Variants in KCNQ1 observed in about 807,000 individuals in gnomAD.
KCNQ1 encodes potassium voltage-gated channel subfamily KQT member 1.
Under a neutral mutation model 72.4 loss-of-function variants are expected in KCNQ1, and 49 were observed. The observed-to-expected ratio is 0.68, with a 90% CI of 0.54 to 0.86. The LOEUF (loss-of-function observed/expected upper bound fraction) is 0.86, where lower values mean the gene tolerates loss of function less well. Among genes scored for constraint, KCNQ1 ranks in the 40% least tolerant of loss-of-function variants. KCNQ1 has a pLI of 0.00. For missense variants in KCNQ1, 790 were observed against 945.1 expected (o/e 0.84, Z 2.15); for synonymous variants, 450 against 412.6 (o/e 1.09, Z -1.10).
intron 14 of KCNQ1, chr11:2,777,458 C>T (rs1229421346): frequency 1.9e-6 from 1 of 530,870 alleles, no homozygotes; most frequent in African/African-American, 1.9e-5. Flanking sequence ...AGCCTGGGGG[C>T]TGGTTTTCTG....
chr11:2,662,557 C>G (rs989952208), intron 11 of KCNQ1: 2 of 428,480 alleles, frequency 4.7e-6, no homozygotes, highest in East Asian at 6.7e-5. Context: ...TTGGCCTTCC[C>G]CTGAGGCACA....
chr11:2,784,292 T>A lies in KCNQ1; in HGVS notation c.1794+6255T>A, dbSNP rs553683291. ...ATTTCCTCCTTTGAATTATCATGGC[T>A]TCTTGGTCAAAAATCAATTGACCAT... is the stretch of plus-strand genomic sequence containing the variant. On this transcript the variant is annotated intron_variant, in intron 15 of 15. Transcript: ENST00000155840. The surrounding 1 kb of genome is among the most constrained non-coding windows in gnomAD (Gnocchi z 4.7). 1.6e-4 allele frequency among the ~76,000 whole-genome samples: 24 copies of A among 152,058 alleles called. 1 individual carries two copies. In the South Asian group the frequency reaches 2.9e-3, roughly 18 times the overall value.
At chr11:2,732,272 C>T (rs1054674910) in intron 11 of KCNQ1, among the ~76,000 whole-genome samples, 3 of 152,306 alleles carry the variant, frequency 2.0e-5, no homozygotes, top group Middle Eastern at 3.4e-3. Flanking sequence ...CCAACCCTCA[C>T]CTTGGCATCC....
chr11:2,525,697 TG>T (rs1357444310), intron 1 of KCNQ1, among the ~76,000 whole-genome samples: 2 of 152,210 alleles, frequency 1.3e-5, no homozygotes, highest in African/African-American at 4.8e-5. Flanking sequence ...CAGGTGCTCC[TG>T]GGAACCACGT....
chr11:2,708,018 A>C (rs186376607), intron 11 of KCNQ1, among the ~76,000 whole-genome samples: 2 of 152,110 alleles, frequency 1.3e-5, no homozygotes, highest in African/African-American at 4.8e-5. Context: ...TGGGCAGCCA[A>C]CCTCCCAAAG....
Position 2,587,696 on chromosome 11 carries a change from A to G in KCNQ1, c.1251+4A>G, listed in dbSNP as rs1214465243. ...CAAACCCAAGAAGTCTGTGGTGGTG[A>G]GTAGCCCACCTGCCACCAGGGCAGG... On this transcript the variant is annotated splice_donor_region_variant and intron_variant, in intron 9 of 15. Transcript: ENST00000155840. 2.5e-6 allele frequency: 4 copies of G among 1,613,648 alleles called. No individual in the cohort carries two copies. The East Asian group carries it at 8.9e-5, about 36-fold the overall frequency.
rs113313569 is a variant in KCNQ1, at chr11:2,519,754, C to T, written c.387-8174C>T. On this transcript the variant is annotated intron_variant, in intron 1 of 15. Coordinates refer to ENST00000155840, the MANE Select transcript of KCNQ1 (RefSeq NM_000218.3). ...TCATAAGTAATGTATTAAATACTTA[C>T]ATAGTACAGCAGGTGTTGGCCCCCC... Among the ~76,000 whole-genome samples the T allele has an allele frequency of 8.5e-3, 1,211 of 142,714 alleles. 7 individuals carry two copies. The highest frequency in any genetic ancestry group is 0.013 in the Non-Finnish European group (882 of 66,098). 93.6% of individuals were successfully genotyped at this position (142,714 alleles called of 152,430 possible). A position where few individuals can be genotyped will look rare whatever the true frequency, so the allele number is the denominator to read the frequency against.
In KCNQ1 at chr11:2,818,608, C is replaced by T. The variant is rs999790709; in HGVS notation, c.1795-29159C>T. ...ACACAGCTTGGAGGCTGGAAGCCCC[C>T]GGAATGCGGCCCACCCTGTCTCCAG... is the stretch of plus-strand genomic sequence containing the variant. On this transcript the variant is annotated intron_variant, in intron 15 of 15. Coordinates refer to ENST00000155840, the MANE Select transcript of KCNQ1 (RefSeq NM_000218.3). The surrounding 1 kb of genome is among the most constrained non-coding windows in gnomAD (Gnocchi z 7.2). Among the ~76,000 whole-genome samples, 15 of 152,288 alleles carry T rather than the reference C, an allele frequency of 9.8e-5. No homozygotes were observed. The East Asian group carries it at 2.1e-3, about 22-fold the overall frequency.
rs1846659345 is a variant in KCNQ1, at chr11:2,482,064, C to T, written c.386+36580C>T. Among the ~76,000 whole-genome samples, 1 of 152,156 alleles carries T rather than the reference C, an allele frequency of 6.6e-6. No individual in the cohort carries two copies. The highest frequency in any genetic ancestry group is 2.4e-5 in the African/African-American group (1 of 41,432). Reference sequence around the variant, plus strand: ...AATTTGTGCCTCAGTTTCTTCATCTCTGAAACGGGAACGATGGGAGCCCTC... The same window carrying T: ...AATTTGTGCCTCAGTTTCTTCATCTTTGAAACGGGAACGATGGGAGCCCTC... On this transcript the variant is annotated intron_variant, in intron 1 of 15. Coordinates refer to ENST00000155840, the MANE Select transcript of KCNQ1 (RefSeq NM_000218.3). This position sits in a 1 kb window ranked among gnomAD's most constrained non-coding sequence, Gnocchi z 5.7.
intron 11 of KCNQ1, chr11:2,681,399 A>C (rs1850394351): frequency 5.0e-6 from 2 of 398,342 alleles, no homozygotes; most frequent in African/African-American, 2.1e-5. Context: ...GGGGTGACTA[A>C]AGGCAAAGAA....
intron 1 of KCNQ1, among the ~76,000 whole-genome samples, chr11:2,505,533 C>T (rs899604151): frequency 4.6e-5 from 7 of 152,108 alleles, no homozygotes; most frequent in African/African-American, 1.7e-4. Context: ...TATCTTCTGC[C>T]TGGTTGTTCT....
chr11:2,718,450 C>T (rs1300142366), intron 11 of KCNQ1, among the ~76,000 whole-genome samples: 1 of 152,214 alleles, frequency 6.6e-6, no homozygotes, highest in Non-Finnish European at 1.5e-5. Context: ...TGGGGCACAG[C>T]TCTGAGGATG....
At position 2,601,686 on chromosome 11, in the gene KCNQ1, C is replaced by T. The variant is rs189912694; in HGVS notation, c.1393+12832C>T. On this transcript the variant is annotated intron_variant, in intron 10 of 15. Coordinates refer to ENST00000155840, the MANE Select transcript of KCNQ1 (RefSeq NM_000218.3). This position sits in a 1 kb window ranked among gnomAD's most constrained non-coding sequence, Gnocchi z 5.2. ...CACACAATACACGATATCTTAGAAA[C>T]GGGGTCTTTTGGCTCGGCATCATTC... Among the ~76,000 whole-genome samples, 5 of 152,234 alleles carry T rather than the reference C, an allele frequency of 3.3e-5. No homozygotes were observed. The highest frequency in any genetic ancestry group is 3.9e-4 in the East Asian group (2 of 5,182).
intron 15 of KCNQ1, among the ~76,000 whole-genome samples, chr11:2,825,825 G>C (rs1023116880): frequency 5.3e-5 from 8 of 152,282 alleles, no homozygotes; most frequent in African/African-American, 1.9e-4. Flanking sequence ...CCAGGGACTG[G>C]GGCAAGGGTG....
rs555438935 is a variant in KCNQ1 at position 2,536,891 on chromosome 11, T to C, written c.477+8873T>C. Among the ~76,000 whole-genome samples, 1 of 152,068 alleles carries C rather than the reference T, an allele frequency of 6.6e-6. No individual in the cohort carries two copies. The highest frequency in any genetic ancestry group is 2.1e-4 in the South Asian group (1 of 4,820). Reference sequence around the variant, plus strand: ...GCCCCTCCCGGCTTCTGAGGGTGGCTAGCAACTGTCTTCTAGATGTAGTAC... The same window carrying C: ...GCCCCTCCCGGCTTCTGAGGGTGGCCAGCAACTGTCTTCTAGATGTAGTAC... On this transcript the variant is annotated intron_variant, in intron 2 of 15. Transcript: ENST00000155840. The surrounding 1 kb of genome is among the most constrained non-coding windows in gnomAD (Gnocchi z 7.4).
chr11:2,521,710 GC>G, intron 1 of KCNQ1: 1 of 345,316 alleles, frequency 2.9e-6, no homozygotes. Flanking sequence ...GTTACAAAAC[GC>G]CCCCCATGGG....
chr11:2,844,304 C>G (rs1306086475), intron 15 of KCNQ1, among the ~76,000 whole-genome samples: 1 of 152,214 alleles, frequency 6.6e-6, no homozygotes, highest in Non-Finnish European at 1.5e-5. Context: ...GACTGTGGAC[C>G]CGCCCTGGGC....
In KCNQ1 at chr11:2,663,592, C is replaced by A. The variant is rs1341698419; in HGVS notation, c.1514+1511C>A. The stretch of plus-strand genomic sequence containing the variant: ...TGCTTCTCCTGTTGGAGCTCTCGCT[C>A]ACCTTGGTTCTCTTGGTCACGGACC... On this transcript the variant is annotated intron_variant, in intron 11 of 15. Coordinates refer to ENST00000155840, the MANE Select transcript of KCNQ1 (RefSeq NM_000218.3). This position sits in a 1 kb window ranked among gnomAD's most constrained non-coding sequence, Gnocchi z 5.2. The A allele has an allele frequency of 2.5e-6, 1 of 398,616 alleles. No individual in the cohort carries two copies. Among genetic ancestry groups the A allele is most frequent in the Admixed American group, 4.4e-5 (1 of 22,742 alleles). 24.7% of individuals were successfully genotyped at this position (398,616 alleles called of 1,614,324 possible). A position where few individuals can be genotyped will look rare whatever the true frequency, so the allele number is the denominator to read the frequency against.
At chr11:2,694,107 T>C in intron 11 of KCNQ1, 1 of 398,628 alleles carries the variant, frequency 2.5e-6, no homozygotes, top group East Asian at 3.6e-5. Flanking sequence ...GCCCATAGGT[T>C]GTGGGACTGG....
Sources: allele counts gnomAD v4.1 joint callset (sites outside exome capture counted in the v4.1 genomes callset), GRCh38; gene constraint gnomAD v4.1.1; non-coding constraint Gnocchi (gnomAD v3.1); transcripts MANE v1.5; gene names NCBI Gene and HGNC (gene_info 2026-07-23, HGNC 2026-07-21).